BCAR1: variants seen among roughly 807,000 people sequenced by gnomAD.
The protein encoded by BCAR1 is BCAR1 scaffold protein, Cas family member, also known as breast cancer anti-estrogen resistance protein 1.
BCAR1 carries 30 observed loss-of-function variants against 67.6 expected under a neutral mutation model. That is an observed-to-expected ratio of 0.44 (90% CI 0.33 to 0.60). The LOEUF (loss-of-function observed/expected upper bound fraction) is 0.60. Among genes scored for constraint, BCAR1 ranks in the 20% least tolerant of loss-of-function variants. The pLI is 0.02. For synonymous variants in BCAR1, 626 were observed against 556.7 expected, an observed-to-expected ratio of 1.12 and a Z score of -1.75; for missense variants, 1,313 against 1,222.3, an observed-to-expected ratio of 1.07 and a Z score of -1.11.
chr16:75,267,148 C>T (rs569631136), intron 1 of BCAR1, among the ~76,000 whole-genome samples: 3 of 152,266 alleles, frequency 2.0e-5, no homozygotes, highest in South Asian at 2.1e-4. Flanking sequence ...AGGAGTGTCC[C>T]GGTGAGGATC....
At chr16:75,263,938 GGAGA>G in intron 1 of BCAR1, 1 of 1,106,078 alleles carries the variant, frequency 9.0e-7, no homozygotes, top group Non-Finnish European at 1.1e-6. Context: ...CAAGGTCCCA[GGAGA>G]GAGAGCCACG....
At chr16:75,244,462 A>G (rs1414368327) in intron 1 of BCAR1, among the ~76,000 whole-genome samples, 1 of 152,210 alleles carries the variant, frequency 6.6e-6, no homozygotes, top group African/African-American at 2.4e-5. Context: ...CTATATGAGC[A>G]GGGGCTGGAC....
chr16:75,244,508 C>T (rs920219854), intron 1 of BCAR1, among the ~76,000 whole-genome samples: 1 of 152,250 alleles, frequency 6.6e-6, no homozygotes, highest in African/African-American at 2.4e-5. Flanking sequence ...TGGCCGGCAT[C>T]AGAGGGCGAT....
At chr16:75,233,605 C>T (rs1321222538) in intron 6 of BCAR1, among the ~76,000 whole-genome samples, 1 of 152,202 alleles carries the variant, frequency 6.6e-6, no homozygotes, top group Non-Finnish European at 1.5e-5. Flanking sequence ...CTATTTTCTG[C>T]TCTCACCCCA....
In BCAR1 at chr16:75,243,665, T is replaced by C. The variant is rs1415411638; in HGVS notation, c.13-575A>G. ...AAAGAAACAGGAGGCACACCCTCCC[T>C]GTCCTGGCCCCGTCGCCCTCAGCAA... On this transcript the variant is annotated intron_variant, in intron 1 of 6. Transcript: ENST00000162330. Among the ~76,000 whole-genome samples, 8 of 152,218 alleles carry C rather than the reference T, an allele frequency of 5.3e-5. No homozygotes were observed. The East Asian group carries it at 1.4e-3, about 26-fold the overall frequency.
At chr16:75,264,131 C>T (rs1202186678) in intron 1 of BCAR1, 32 of 1,300,192 alleles carry the variant, frequency 2.5e-5, no homozygotes, top group East Asian at 2.8e-5. Flanking sequence ...CTACCCAGCC[C>T]GCTGTTCCTC....
At chr16:75,230,583 T>C (rs1179029541) in intron 6 of BCAR1, among the ~76,000 whole-genome samples, 1 of 152,212 alleles carries the variant, frequency 6.6e-6, no homozygotes, top group Non-Finnish European at 1.5e-5. Flanking sequence ...TAAATCATCT[T>C]CCAGAACCAC....
In BCAR1 at chr16:75,235,104, C is replaced by T. The variant is rs750919906; in HGVS notation, c.1795G>A (p.Gly599Ser). ...DAKQLASFLH[G>S]NASLLFRRTK... Reference sequence around the variant, plus strand: ...CGTCTGAAGAGCAGTGAGGCATTGCCGTGCAGGAAGGAGGCCAGCTGCTTG... The same window carrying T: ...CGTCTGAAGAGCAGTGAGGCATTGCTGTGCAGGAAGGAGGCCAGCTGCTTG... Residue 599 changes from glycine (G) to serine (S), a missense_variant, in exon 5 of 7, where the codon GGC becomes AGC. By Grantham distance (56) the Gly-to-Ser change is moderately conservative. Around this residue, in one of 2 missense-constraint regions of BCAR1, gnomAD observed 1,272 missense variants for 1,137.5 expected, o/e 1.12. Coordinates refer to ENST00000162330, the MANE Select transcript of BCAR1 (RefSeq NM_014567.5). 14 of 1,611,808 alleles carry T rather than the reference C, an allele frequency of 8.7e-6. 1 individual carries two copies. The Admixed American group carries it at 1.3e-4, about 15-fold the overall frequency.
rs1187786835 is a variant in BCAR1 at position 75,233,891 on chromosome 16, C to T, written c.2055G>A (p.Lys685=). The T allele has an allele frequency of 1.2e-6, 2 of 1,610,986 alleles. No homozygotes were observed. The highest frequency in any genetic ancestry group is 1.7e-5 in the Admixed American group (1 of 59,604). ...FEKTQKELLE[K]GSITRQGKSQ... ...TCTTGCCCTGCCGCGTGATGCTGCC[C>T]TTTTCCAGCAGCTCCTTCTGGGTCT... The change falls in exon 6 of 7, where the codon AAG becomes AAA. Residue 685 remains lysine (K), a synonymous_variant. Transcript: ENST00000162330.
chr16:75,233,812 C>T (rs370495056), intron 6 of BCAR1, 34 bp downstream of exon 6: 162 of 1,564,902 alleles, frequency 1.0e-4, no homozygotes, highest in Non-Finnish European at 1.3e-4. Flanking sequence ...GGTCAGCGGG[C>T]AAAGCTGGGC....
chr16:75,233,740 G>A, intron 6 of BCAR1, 106 bp downstream of exon 6: 1 of 1,202,818 alleles, frequency 8.3e-7, no homozygotes, highest in East Asian at 2.6e-5. Context: ...AGCACTGTCA[G>A]ACAACATGAG....
chr16:75,235,646 C>T lies in BCAR1; in HGVS notation c.1253G>A (p.Arg418His), dbSNP rs866747215. ...GCGCTTGCCCTCTGCCGGGGCTTCA[C>T]GTTCAGCTGGGGGAGGCACCGCATA... ...GVYAVPPPAE[R>H]EAPAEGKRLS... The change falls in exon 5 of 7, where the codon CGT (arginine) becomes CAT (histidine). Residue 418 changes from arginine to histidine, a missense_variant. Around this residue, in one of 2 missense-constraint regions of BCAR1, gnomAD observed 1,272 missense variants for 1,137.5 expected, o/e 1.12. Coordinates refer to ENST00000162330, the MANE Select transcript of BCAR1 (RefSeq NM_014567.5). 4.4e-6 allele frequency: 7 copies of T among 1,608,658 alleles called. No individual in the cohort carries two copies. The Admixed American group carries it at 5.0e-5, about 12-fold the overall frequency.
chr16:75,242,657 G>A lies in BCAR1; in HGVS notation c.446C>T (p.Ser149Leu), dbSNP rs148283822. ...AAACGGGTGATGGGGTGTCTGCTTC[G>A]AGAAGGTGGATGTCTGCTTGGCTGG... Reference protein sequence around the residue: ...SPPAKQTSTFSKQTPHHPFPS... With the variant: ...SPPAKQTSTFLKQTPHHPFPS... Residue 149 changes from serine (S) to leucine (L), a missense_variant, in exon 2 of 7, where the codon TCG (serine) becomes TTG (leucine). Physicochemically the swap from Ser to Leu is moderately radical, Grantham distance 145. Transcript: ENST00000162330. 23 of 1,524,352 alleles carry A rather than the reference G, an allele frequency of 1.5e-5. No homozygotes were observed. The highest frequency in any genetic ancestry group is 1.8e-5 in the Non-Finnish European group (20 of 1,136,802). The allele number at this position is 1,524,352 out of a possible 1,614,324, so 94.4% of individuals were successfully genotyped here. A position where few individuals can be genotyped will look rare whatever the true frequency, so the allele number is the denominator to read the frequency against.
intron 1 of BCAR1, among the ~76,000 whole-genome samples, chr16:75,267,392 GC>G (rs59674858): frequency 0.09 from 4,998 of 55,652 alleles, 189 homozygotes; most frequent in South Asian, 0.23. Flanking sequence ...GCCACAGCAA[GC>G]CGGGGGGGGG....
At chr16:75,248,191 G>T in intron 1 of BCAR1, 1 of 1,566,686 alleles carries the variant, frequency 6.4e-7, no homozygotes, top group Non-Finnish European at 8.6e-7. Flanking sequence ...TCCACCGAGG[G>T]GTGACGCCTG....
At chr16:75,234,688 A>G (rs2077036424) in intron 5 of BCAR1, among the ~76,000 whole-genome samples, 1 of 152,210 alleles carries the variant, frequency 6.6e-6, no homozygotes, top group Non-Finnish European at 1.5e-5. Flanking sequence ...CACCAGAGAT[A>G]CCAGCCCGAG....
chr16:75,236,076 A>G lies in BCAR1; in HGVS notation c.913-90T>C, dbSNP rs2077121821. ...AGCACCCAGCCACACACACACACACACGTACACACATACAGACACACACAC... is the reference window on the plus strand; with the variant it reads ...AGCACCCAGCCACACACACACACACGCGTACACACATACAGACACACACAC... On this transcript the variant is annotated intron_variant, in intron 4 of 6. Coordinates refer to ENST00000162330, the MANE Select transcript of BCAR1 (RefSeq NM_014567.5). The G allele has an allele frequency of 3.5e-6, 5 of 1,418,924 alleles. No individual in the cohort carries two copies. The East Asian group carries it at 1.0e-4, about 28-fold the overall frequency. The allele number at this position is 1,418,924 out of a possible 1,614,324, so 87.9% of individuals were successfully genotyped here.
At chr16:75,249,350 T>C (rs1400222699) in intron 1 of BCAR1, 1 of 152,138 alleles carries the variant, frequency 6.6e-6, no homozygotes, top group Non-Finnish European at 1.5e-5. Context: ...GGCTAGAATG[T>C]AGAGGTGGGA....
At position 75,244,294 on chromosome 16, in the gene BCAR1, G is replaced by C. The variant is rs3784939; in HGVS notation, c.13-1204C>G. 0.028 allele frequency among the ~76,000 whole-genome samples: 4,218 copies of C among 152,308 alleles called. 299 individuals carry two copies. The East Asian group carries it at 0.32, about 11-fold the overall frequency. ...GTAGCTGTGTGACCATCCCCACTTGGGCCCAAGTCCCACTTTCTGGACTCC... is the reference window on the plus strand; with the variant it reads ...GTAGCTGTGTGACCATCCCCACTTGCGCCCAAGTCCCACTTTCTGGACTCC... On this transcript the variant is annotated intron_variant, in intron 1 of 6. Transcript: ENST00000162330.
Sources: allele counts gnomAD v4.1 joint callset (sites outside exome capture counted in the v4.1 genomes callset), GRCh38; gene constraint gnomAD v4.1.1; regional missense constraint gnomAD v4.1.1; transcripts MANE v1.5; gene names NCBI Gene and HGNC (gene_info 2026-07-23, HGNC 2026-07-21).